The following GRM7 variants were observed in gnomAD, a reference collection of about 807,000 sequenced individuals.
GRM7 encodes glutamate metabotropic receptor 7, also known as metabotropic glutamate receptor 7.
A neutral mutation model predicts 84.5 loss-of-function variants in GRM7; 35 were observed. The observed-to-expected ratio is 0.41, with a 90% CI of 0.32 to 0.55. GRM7 has a LOEUF of 0.55. Ranked by LOEUF, GRM7 falls within the 20% of genes least tolerant of loss-of-function variation. The pLI is 0.19. For synonymous variants in GRM7, 487 were observed against 455.1 expected (o/e 1.07, Z -0.89); for missense variants, 1,003 against 1,194.6 (o/e 0.84, Z 2.36).
chr3:7,196,665 T>C (rs2125109974), intron 2 of GRM7, among the ~76,000 whole-genome samples: 1 of 152,282 alleles, frequency 6.6e-6, no homozygotes, highest in South Asian at 2.1e-4. Context: ...GTGAAGATGT[T>C]CCTGACTTCC....
intron 9 of GRM7, among the ~76,000 whole-genome samples, chr3:7,713,891 T>C (rs564496176): frequency 8.0e-5 from 12 of 150,046 alleles, no homozygotes; most frequent in African/African-American, 3.0e-4. Flanking sequence ...GAAACACACA[T>C]TTAGTTAAGT....
chr3:7,176,710 C>G (rs1402511635), intron 2 of GRM7, among the ~76,000 whole-genome samples: 1 of 152,168 alleles, frequency 6.6e-6, no homozygotes, highest in African/African-American at 2.4e-5. Context: ...TCTCTTAGAA[C>G]TCTTGTTGGC....
chr3:7,618,792 C>A (rs1181236932), intron 8 of GRM7, among the ~76,000 whole-genome samples: 1 of 152,064 alleles, frequency 6.6e-6, no homozygotes, highest in Non-Finnish European at 1.5e-5. Context: ...TTACAGTGGG[C>A]TGGAGGTGCT....
chr3:6,981,268 G>C (rs1694188675), intron 1 of GRM7, among the ~76,000 whole-genome samples: 1 of 152,140 alleles, frequency 6.6e-6, no homozygotes, highest in Non-Finnish European at 1.5e-5. Flanking sequence ...TAAGAACTCT[G>C]TTATAGTTAC....
At chr3:6,876,217 G>A (rs978090948) in intron 1 of GRM7, among the ~76,000 whole-genome samples, 1 of 151,646 alleles carries the variant, frequency 6.6e-6, no homozygotes, top group African/African-American at 2.4e-5. Context: ...GCAATGAGCC[G>A]AGATCGCACC....
intron 7 of GRM7, among the ~76,000 whole-genome samples, chr3:7,538,873 T>C (rs1321129273): frequency 6.6e-6 from 1 of 152,188 alleles, no homozygotes; most frequent in African/African-American, 2.4e-5. Context: ...ATTAAGCAGG[T>C]TATCAGAATA....
chr3:7,594,702 C>A (rs920295807), intron 8 of GRM7, among the ~76,000 whole-genome samples: 1 of 152,120 alleles, frequency 6.6e-6, no homozygotes, highest in African/African-American at 2.4e-5. Context: ...AGGTGAGCTG[C>A]AACCAGGGAT....
At chr3:7,581,977 G>T (rs1399307625) in intron 8 of GRM7, among the ~76,000 whole-genome samples, 2 of 152,092 alleles carry the variant, frequency 1.3e-5, no homozygotes, top group African/African-American at 4.8e-5. Flanking sequence ...TCTAGAATGA[G>T]CATCTTGCCA....
intron 1 of GRM7, among the ~76,000 whole-genome samples, chr3:7,072,712 TA>T (rs1162360671): frequency 6.6e-6 from 1 of 151,920 alleles, no homozygotes; most frequent in Admixed American, 6.6e-5. Flanking sequence ...AAAAATAAGA[TA>T]AAGGTCTCAC....
At chr3:7,718,313 T>C (rs1328434893) in intron 9 of GRM7, among the ~76,000 whole-genome samples, 1 of 152,176 alleles carries the variant, frequency 6.6e-6, no homozygotes, top group Non-Finnish European at 1.5e-5. Flanking sequence ...TAAATAGTCC[T>C]TGAGAACAGT....
chr3:7,564,295 G>A (rs1348910180), intron 7 of GRM7, among the ~76,000 whole-genome samples: 1 of 152,106 alleles, frequency 6.6e-6, no homozygotes, highest in Non-Finnish European at 1.5e-5. Flanking sequence ...TTTTCAGTAA[G>A]TGTAGGAGGT....
intron 4 of GRM7, among the ~76,000 whole-genome samples, chr3:7,360,519 G>C (rs931486263): frequency 6.6e-6 from 1 of 152,044 alleles, no homozygotes; most frequent in African/African-American, 2.4e-5. Context: ...TTTGGTTGTA[G>C]ATGGAAAATA....
intron 7 of GRM7, among the ~76,000 whole-genome samples, chr3:7,573,595 G>A (rs951406170): frequency 2.0e-5 from 3 of 152,178 alleles, no homozygotes; most frequent in Non-Finnish European, 2.9e-5. Flanking sequence ...GTGATTATAA[G>A]GTCTGCACAT....
intron 1 of GRM7, among the ~76,000 whole-genome samples, chr3:6,890,809 T>A (rs1695905283): frequency 6.6e-6 from 1 of 152,188 alleles, no homozygotes; most frequent in Non-Finnish European, 1.5e-5. Flanking sequence ...GTCTCGTTGA[T>A]CTGTCTAATG....
chr3:7,581,891 A>G (rs540110073), intron 8 of GRM7, among the ~76,000 whole-genome samples: 1 of 151,882 alleles, frequency 6.6e-6, no homozygotes, highest in African/African-American at 2.4e-5. Flanking sequence ...ACCCCCATGA[A>G]GTTTGTTTTT....
intron 6 of GRM7, among the ~76,000 whole-genome samples, chr3:7,454,081 T>TACACACACAC (rs141029901): frequency 0.052 from 7,482 of 142,630 alleles, 286 homozygotes; most frequent in Non-Finnish European, 0.078. Context: ...CATGAAAAGC[T>TACACACACAC]ACACACACAC....
intron 2 of GRM7, among the ~76,000 whole-genome samples, chr3:7,229,757 A>AT (rs1302605868): frequency 4.8e-4 from 13 of 26,874 alleles, no homozygotes; most frequent in Admixed American, 1.8e-3. Context: ...ATATATATAT[A>AT]TATTTTTTTT....
intron 7 of GRM7, among the ~76,000 whole-genome samples, chr3:7,573,116 C>T (rs1369087442): frequency 6.6e-6 from 1 of 151,454 alleles, no homozygotes; most frequent in East Asian, 2.0e-4. Context: ...GCTCCTCTAC[C>T]TCACCCCTCC....
chr3:7,083,018 C>T (rs1274914996), intron 1 of GRM7, among the ~76,000 whole-genome samples: 1 of 152,092 alleles, frequency 6.6e-6, no homozygotes, highest in East Asian at 1.9e-4. Flanking sequence ...TGACAACAAA[C>T]GATTTAGAAT....
Sources: gnomAD v4.1 joint callset for allele counts (sites outside exome capture counted in the v4.1 genomes callset) on GRCh38, gnomAD v4.1.1 for gene constraint, MANE v1.5 for transcripts, NCBI Gene and HGNC (gene_info 2026-07-23, HGNC 2026-07-21) for gene names.